ACCSL: variants seen among roughly 807,000 people sequenced by gnomAD.
ACCSL encodes the protein 1-aminocyclopropane-1-carboxylate synthase homolog (inactive) like.
A neutral mutation model predicts 61.7 loss-of-function variants in ACCSL; 55 were observed. The observed-to-expected ratio is 0.89, with a 90% CI of 0.72 to 1.12. ACCSL has a LOEUF of 1.12. ACCSL is among the 50% of genes most tolerant of loss of function. The pLI is 0.00. For synonymous variants in ACCSL, 258 were observed against 264.3 expected (o/e 0.98, Z 0.23); for missense variants, 632 against 698.0 (o/e 0.91, Z 1.07).
Position 44,055,205 on chromosome 11 carries a change from T to C in ACCSL, c.1053T>C (p.Tyr351=), listed in dbSNP as rs1952663580. 1 of 1,596,340 alleles carries C rather than the reference T, an allele frequency of 6.3e-7. No homozygotes were observed. The highest frequency in any genetic ancestry group is 1.1e-5 in the South Asian group (1 of 90,166). ...CCTTCTTTCATCTAATCTACAGGTA[T>C]AACCTACATGTGATCATAGATGAGA... ...LMKYLEFAKR[Y]NLHVIIDEIY... is the part of the protein sequence containing the mutation. Residue 351 remains tyrosine, a synonymous_variant, in exon 9 of 14, where the codon TAT becomes TAC. Coordinates refer to ENST00000378832, the MANE Select transcript of ACCSL (RefSeq NM_001031854.2).
chr11:43,936,723 G>T, the ACCSL span, among the ~76,000 whole-genome samples: 7 of 152,204 alleles, frequency 4.6e-5, no homozygotes, highest in South Asian at 1.5e-3. Flanking sequence ...GGCAGGGAAG[G>T]GCAGAGAAGG....
In ACCSL at chr11:44,055,240, T is replaced by C. The variant is rs755953361; in HGVS notation, c.1088T>C (p.Leu363Pro). 4 of 1,612,814 alleles carry C rather than the reference T, an allele frequency of 2.5e-6. No homozygotes were observed. The African/African-American group carries it at 4.0e-5, about 16-fold the overall frequency. ...GTGATCATAGATGAGATTTACATGC[T>C]GTCTGTGTTTGATGAATCCATCACA... ...LHVIIDEIYM[L>P]SVFDESITFH... Residue 363 changes from leucine to proline, a missense_variant, in exon 9 of 14, where the codon CTG (leucine) becomes CCG (proline). By Grantham distance (98) the Leu-to-Pro change is moderately conservative. Coordinates refer to ENST00000378832, the MANE Select transcript of ACCSL (RefSeq NM_001031854.2).
chr11:43,935,740 GCC>G, the ACCSL span, among the ~76,000 whole-genome samples: 1 of 152,158 alleles, frequency 6.6e-6, no homozygotes, highest in Non-Finnish European at 1.5e-5. Flanking sequence ...TGATCCTCTA[GCC>G]TCAGACTCCT....
chr11:43,972,756 C>T, the ACCSL span, among the ~76,000 whole-genome samples: 2 of 152,164 alleles, frequency 1.3e-5, no homozygotes, highest in Admixed American at 6.5e-5. Context: ...TCAATTAAAA[C>T]AGAAGATCAC....
the ACCSL span, among the ~76,000 whole-genome samples, chr11:43,921,586 A>T: frequency 9.2e-5 from 14 of 152,184 alleles, no homozygotes; most frequent in Non-Finnish European, 1.8e-4. Context: ...TTGATGCATG[A>T]CACTAGGAAA....
the ACCSL span, among the ~76,000 whole-genome samples, chr11:44,037,020 T>C: frequency 6.6e-6 from 1 of 152,134 alleles, no homozygotes; most frequent in African/African-American, 2.4e-5. Flanking sequence ...GAAAAGGTTA[T>C]GCAATCTGGA....
the ACCSL span, chr11:43,973,890 T>C: frequency 2.0e-5 from 3 of 152,196 alleles, no homozygotes; most frequent in Non-Finnish European, 4.4e-5. Context: ...CCTGTGGATA[T>C]ATAAGATCAT....
chr11:43,925,631 G>A, the ACCSL span, among the ~76,000 whole-genome samples: 5 of 152,076 alleles, frequency 3.3e-5, no homozygotes, highest in Non-Finnish European at 7.4e-5. Context: ...GGTAGAACTG[G>A]GGAGCAGCTC....
At chr11:44,047,049 AT>A (rs1952602907), upstream of ACCSL, among the ~76,000 whole-genome samples, 1 of 152,198 alleles carries the variant, frequency 6.6e-6, no homozygotes, top group East Asian at 1.9e-4. Context: ...ACAAAACAAA[AT>A]TGCTAAGTAT....
chr11:43,961,892 G>A, the ACCSL span, among the ~76,000 whole-genome samples: 4 of 152,266 alleles, frequency 2.6e-5, no homozygotes, highest in African/African-American at 9.6e-5. Context: ...TTTACATAGG[G>A]CGTACCCCAA....
chr11:43,965,961 A>C, the ACCSL span, among the ~76,000 whole-genome samples: 2 of 152,210 alleles, frequency 1.3e-5, no homozygotes, highest in African/African-American at 4.8e-5. Context: ...AATTAATTCA[A>C]AATGGTTCAA....
the ACCSL span, among the ~76,000 whole-genome samples, chr11:43,960,895 T>A: frequency 6.6e-6 from 1 of 152,226 alleles, no homozygotes; most frequent in Non-Finnish European, 1.5e-5. Flanking sequence ...CTTGGCTCAC[T>A]GCAACCTCCG....
rs1380290195 is a variant in ACCSL at position 44,048,177 on chromosome 11, G to C, written c.141G>C (p.Leu47=). 1 of 1,614,192 alleles carries C rather than the reference G, an allele frequency of 6.2e-7. No homozygotes were observed. Among genetic ancestry groups the C allele is most frequent in the South Asian group, 1.1e-5 (1 of 91,090 alleles). ...CCATGACGGAGCACTTCGTGCAGCT[G>C]ACGAGCAGACAGGGCCTGTCGCTGG... ...QQAMTEHFVQ[L]TSRQGLSLEE... The change falls in exon 1 of 14, where the codon CTG becomes CTC. Residue 47 remains leucine, a synonymous_variant. Coordinates refer to ENST00000378832, the MANE Select transcript of ACCSL (RefSeq NM_001031854.2).
chr11:44,051,418 C>T lies in ACCSL; in HGVS notation c.705+14C>T, dbSNP rs1952638213. 6.2e-7 allele frequency: 1 copy of T among 1,613,970 alleles called. No homozygotes were observed. Among genetic ancestry groups the T allele is most frequent in the African/African-American group, 1.3e-5 (1 of 74,908 alleles). On this transcript the variant is annotated intron_variant, in intron 4 of 13. Coordinates refer to ENST00000378832, the MANE Select transcript of ACCSL (RefSeq NM_001031854.2). ...GACCCAGAAAATGTGAGTCAGTTTC[C>T]CAGCCTTGCTGCCACCCTGGTGGAG...
chr11:43,961,830 C>T, the ACCSL span, among the ~76,000 whole-genome samples: 1 of 152,082 alleles, frequency 6.6e-6, no homozygotes, highest in East Asian at 1.9e-4. Context: ...ATATCCTCTC[C>T]ATAGGGCATA....
At chr11:44,027,874 A>G in the ACCSL span, among the ~76,000 whole-genome samples, 3 of 152,216 alleles carry the variant, frequency 2.0e-5, no homozygotes, top group South Asian at 2.1e-4. Flanking sequence ...AAGTGAGTCA[A>G]TCGATCTAAG....
chr11:44,030,904 G>C, the ACCSL span, among the ~76,000 whole-genome samples: 15 of 152,280 alleles, frequency 9.9e-5, no homozygotes, highest in Admixed American at 9.2e-4. Flanking sequence ...TTAGGAGGAA[G>C]AGACAAGGAG....
At chr11:44,023,451 G>T in the ACCSL span, among the ~76,000 whole-genome samples, 2 of 151,918 alleles carry the variant, frequency 1.3e-5, no homozygotes, top group East Asian at 3.9e-4. Flanking sequence ...TGTGGTTTCT[G>T]GTATTCGCTT....
At chr11:44,026,303 A>G in the ACCSL span, among the ~76,000 whole-genome samples, 6 of 152,114 alleles carry the variant, frequency 3.9e-5, no homozygotes, top group African/African-American at 1.4e-4. Context: ...GTTCAATTCT[A>G]CTGTTGAGCC....
Sources: allele counts gnomAD v4.1 joint callset (sites outside exome capture counted in the v4.1 genomes callset), GRCh38; gene constraint gnomAD v4.1.1; transcripts MANE v1.5; gene names NCBI Gene and HGNC (gene_info 2026-07-23, HGNC 2026-07-21).